CADM2: variants seen among roughly 807,000 people sequenced by gnomAD.
CADM2 encodes the protein immunoglobulin superfamily member 4D.
In CADM2, 12 loss-of-function variants were observed where a neutral mutation model predicts 49.8. The ratio of observed to expected loss-of-function variants is 0.24; its 90% confidence interval spans 0.15 to 0.39. The LOEUF (loss-of-function observed/expected upper bound fraction) is 0.39, where lower values mean the gene tolerates loss of function less well. CADM2 is among the 10% of genes least tolerant of loss of function. The probability of loss-of-function intolerance (pLI) is 1.00; values close to 1 mark genes in which losing one functional copy is unlikely to be tolerated. For missense variants in CADM2, 378 were observed against 492.3 expected, an observed-to-expected ratio of 0.77 and a Z score of 2.20; for synonymous variants, 214 against 175.4, an observed-to-expected ratio of 1.22 and a Z score of -1.74.
intron 1 of CADM2, among the ~76,000 whole-genome samples, chr3:85,299,623 T>G (rs2044046137): frequency 6.6e-6 from 1 of 152,068 alleles, no homozygotes; most frequent in African/African-American, 2.4e-5. Context: ...AAAGCTGTTC[T>G]GCCTGGCCTC....
At chr3:85,281,345 A>G (rs183032727) in intron 1 of CADM2, among the ~76,000 whole-genome samples, 117 of 152,098 alleles carry the variant, frequency 7.7e-4, no homozygotes, top group Non-Finnish European at 1.1e-3. Flanking sequence ...TGTATATGTT[A>G]TTTTAAATTT....
chr3:86,002,568 A>G (rs540525222), intron 8 of CADM2, among the ~76,000 whole-genome samples: 1 of 152,278 alleles, frequency 6.6e-6, no homozygotes, highest in African/African-American at 2.4e-5. Flanking sequence ...TTTCTCTTCA[A>G]GTCTGCACAT....
intron 1 of CADM2, among the ~76,000 whole-genome samples, chr3:85,006,474 C>T (rs1407008748): frequency 1.3e-5 from 2 of 152,102 alleles, no homozygotes; most frequent in Admixed American, 6.6e-5. Context: ...CACAATTAAA[C>T]ATATGACTTA....
intron 7 of CADM2, among the ~76,000 whole-genome samples, chr3:85,939,502 C>CACACACACACAA (rs1479054163): frequency 1.3e-5 from 2 of 150,770 alleles, no homozygotes; most frequent in African/African-American, 4.9e-5. Context: ...CACACACACA[C>CACACACACACAA]AACATGAAAC....
chr3:85,108,199 T>C (rs560176253), intron 1 of CADM2, among the ~76,000 whole-genome samples: 1 of 151,582 alleles, frequency 6.6e-6, no homozygotes, highest in African/African-American at 2.4e-5. Context: ...GATAAAAATG[T>C]CTCTGGGCAT....
At position 84,959,605 on chromosome 3, in the gene CADM2, A is replaced by T; in HGVS notation, c.-3A>T. 1 of 1,536,942 alleles carries T rather than the reference A, an allele frequency of 6.5e-7. No homozygotes were observed. Among genetic ancestry groups the T allele is most frequent in the Non-Finnish European group, 8.7e-7 (1 of 1,146,822 alleles). ...CCTTCCCCAGCCCTTTAGAGAAGGGACCATGATTTGGAAACGCAGCGCCGT... is the reference window on the plus strand; with the variant it reads ...CCTTCCCCAGCCCTTTAGAGAAGGGTCCATGATTTGGAAACGCAGCGCCGT... On this transcript the variant is annotated 5_prime_UTR_variant, in exon 1 of 10. Transcript: ENST00000383699.
At chr3:85,954,154 T>C (rs1488273517) in intron 7 of CADM2, among the ~76,000 whole-genome samples, 1 of 151,040 alleles carries the variant, frequency 6.6e-6, no homozygotes, top group African/African-American at 2.4e-5. Context: ...GAAAATCTAA[T>C]TTCATTACAA....
At chr3:85,834,000 G>A (rs3902500) in intron 3 of CADM2, among the ~76,000 whole-genome samples, 68,044 of 151,278 alleles carry the variant, frequency 0.45, 16,150 homozygotes, top group African/African-American at 0.59. Context: ...TACATGGGAT[G>A]TATTTTCATT....
chr3:85,804,048 A>G (rs1413261817), intron 3 of CADM2, among the ~76,000 whole-genome samples: 1 of 152,158 alleles, frequency 6.6e-6, no homozygotes, highest in Non-Finnish European at 1.5e-5. Context: ...AGTTAAAAAA[A>G]TTAAATGCAT....
At chr3:85,293,336 C>T (rs2043857550) in intron 1 of CADM2, among the ~76,000 whole-genome samples, 1 of 151,146 alleles carries the variant, frequency 6.6e-6, no homozygotes, top group Non-Finnish European at 1.5e-5. Context: ...CAGATGGATT[C>T]ACAGCCGAAT....
chr3:85,947,804 T>A (rs2108576817), intron 7 of CADM2, among the ~76,000 whole-genome samples: 2 of 151,708 alleles, frequency 1.3e-5, no homozygotes, highest in South Asian at 4.1e-4. Context: ...GGGCACTCAA[T>A]CATTTTCAAT....
rs112329703 is a variant in CADM2 at position 85,111,172 on chromosome 3, T to A, written c.61+151504T>A. Among the ~76,000 whole-genome samples, 1,049 of 152,006 alleles carry A rather than the reference T, an allele frequency of 6.9e-3. 10 individuals are homozygous for A. The highest frequency in any genetic ancestry group is 0.023 in the African/African-American group (959 of 41,548). On this transcript the variant is annotated intron_variant, in intron 1 of 9. Transcript: ENST00000383699. ...GTTAATATTTCAAATCATATAGGTATGAAAAAACATTTTATATGCATTTAT... is the reference window on the plus strand; with the variant it reads ...GTTAATATTTCAAATCATATAGGTAAGAAAAAACATTTTATATGCATTTAT...
At chr3:85,267,625 T>A (rs1405528310) in intron 1 of CADM2, among the ~76,000 whole-genome samples, 1 of 151,620 alleles carries the variant, frequency 6.6e-6, no homozygotes, top group Admixed American at 6.6e-5. Context: ...GATTTTTTTT[T>A]ACTGTTTTTC....
At chr3:85,717,292 T>C (rs986898737) in intron 1 of CADM2, among the ~76,000 whole-genome samples, 1 of 152,194 alleles carries the variant, frequency 6.6e-6, no homozygotes, top group Non-Finnish European at 1.5e-5. Context: ...TTTGGCTCTC[T>C]GTTTGTCTAT....
intron 1 of CADM2, among the ~76,000 whole-genome samples, chr3:85,258,312 A>G (rs1441746404): frequency 6.6e-6 from 1 of 152,094 alleles, no homozygotes; most frequent in African/African-American, 2.4e-5. Context: ...TTAATGCCCA[A>G]TCAATTTTCA....
At chr3:85,886,124 T>G in intron 4 of CADM2, 66 bp from the exon 5 acceptor site, 1 of 1,588,376 alleles carries the variant, frequency 6.3e-7, no homozygotes, top group Non-Finnish European at 8.6e-7. Context: ...TGTGTGAAAG[T>G]AATAGACATA....
At position 85,869,688 on chromosome 3, in the gene CADM2, T is replaced by C. The variant is rs141941583; in HGVS notation, c.239-13603T>C. Reference sequence around the variant, plus strand: ...ATTATTATTATTTTGAGATGGAGTCTCACTCTGTCTATCAGGCTGGAGTGC... The same window carrying C: ...ATTATTATTATTTTGAGATGGAGTCCCACTCTGTCTATCAGGCTGGAGTGC... On this transcript the variant is annotated intron_variant, in intron 3 of 9. Coordinates refer to ENST00000383699, the MANE Select transcript of CADM2 (RefSeq NM_001167675.2). Among the ~76,000 whole-genome samples the C allele has an allele frequency of 9.6e-3, 1,455 of 152,256 alleles. 14 individuals carry two copies. The highest frequency in any genetic ancestry group is 0.044 in the Middle Eastern group (13 of 294).
At position 86,072,395 on chromosome 3, in the gene CADM2, A is replaced by T. The variant is rs1578118450; in HGVS notation, c.*5612A>T. 6.6e-6 allele frequency: 1 copy of T among 150,888 alleles called. No individual in the cohort carries two copies. The highest frequency in any genetic ancestry group is 2.1e-4 in the South Asian group (1 of 4,798). The allele number at this position is 150,888 out of a possible 1,614,324, so 9.3% of individuals were successfully genotyped here. On this transcript the variant is annotated 3_prime_UTR_variant, in exon 10 of 10. Coordinates refer to ENST00000383699, the MANE Select transcript of CADM2 (RefSeq NM_001167675.2). ...GAGAATGGGCCCAAATGTGAAAAAG[A>T]TATAAAAAAAACAAAAAAAACAAAA...
chr3:85,020,557 T>A (rs1275365233), intron 1 of CADM2, among the ~76,000 whole-genome samples: 7 of 152,168 alleles, frequency 4.6e-5, no homozygotes, highest in Non-Finnish European at 1.5e-5. Flanking sequence ...ATAGGTAACA[T>A]AATGTGATAA....
Sources: allele counts gnomAD v4.1 joint callset (sites outside exome capture counted in the v4.1 genomes callset), GRCh38; gene constraint gnomAD v4.1.1; transcripts MANE v1.5; gene names NCBI Gene and HGNC (gene_info 2026-07-23, HGNC 2026-07-21).